The following ARHGEF4 variants were observed in gnomAD, a reference collection of about 807,000 sequenced individuals.
ARHGEF4 encodes the protein Rho guanine nucleotide exchange factor 4.
In ARHGEF4, 119 loss-of-function variants were observed where a neutral mutation model predicts 162.0. The observed-to-expected ratio is 0.73, with a 90% CI of 0.63 to 0.86. The LOEUF is 0.86. Among genes scored for constraint, ARHGEF4 ranks in the 40% least tolerant of loss-of-function variants. The pLI is 0.00. For missense variants in ARHGEF4, 2,488 were observed against 2,456.0 expected, an observed-to-expected ratio of 1.01 and a Z score of -0.28; for synonymous variants, 1,014 against 979.9, an observed-to-expected ratio of 1.03 and a Z score of -0.65.
At position 130,917,274 on chromosome 2, in the gene ARHGEF4, G is replaced by T; in HGVS notation, c.3328G>T (p.Gly1110Trp). The change falls in exon 2 of 14, where the codon GGG becomes TGG. Residue 1110 changes from glycine (G) to tryptophan (W), a missense_variant. Gly to Trp is a radical substitution (Grantham distance 184). Transcript: ENST00000409359. The part of the protein sequence containing the change: ...SAQRMGLHYP[G>W]RGSAISMVSL... ...TCAGCGGATGGGTCTCCACTACCCC[G>T]GGAGGGGTAGCGCCATCTCCATGGT... 1 of 1,550,448 alleles carries T rather than the reference G, an allele frequency of 6.4e-7. No individual in the cohort carries two copies. Among genetic ancestry groups the T allele is most frequent in the Non-Finnish European group, 8.7e-7 (1 of 1,146,940 alleles).
intron 1 of ARHGEF4, among the ~76,000 whole-genome samples, chr2:130,872,916 C>A (rs1378886685): frequency 1.3e-5 from 2 of 152,212 alleles, no homozygotes; most frequent in Non-Finnish European, 2.9e-5. Flanking sequence ...CACACACATG[C>A]CTGCACCATC....
chr2:130,910,671 A>G (rs1037818979), intron 1 of ARHGEF4, among the ~76,000 whole-genome samples: 1 of 152,218 alleles, frequency 6.6e-6, no homozygotes, highest in African/African-American at 2.4e-5. Context: ...GCACCGACCC[A>G]TTAGAGAATG....
At chr2:130,991,923 C>G (rs962516419) in intron 4 of ARHGEF4, among the ~76,000 whole-genome samples, 1 of 152,222 alleles carries the variant, frequency 6.6e-6, no homozygotes, top group East Asian at 1.9e-4. Context: ...CTGGTGGGGA[C>G]GTGGAGAATC....
chr2:131,003,038 G>A (rs980398422), intron 4 of ARHGEF4, among the ~76,000 whole-genome samples: 6 of 152,152 alleles, frequency 3.9e-5, no homozygotes, highest in Non-Finnish European at 8.8e-5. Flanking sequence ...GGGACTGTTC[G>A]GACAAGAGGG....
rs546608138 is a variant in ARHGEF4 at position 131,039,340 on chromosome 2, C to T, written c.4305+308C>T. ...TAGACATTTCCCAAGCCCTGAAGAG[C>T]ACTGATAGGGGACTGCTCACCTCAC... On this transcript the variant is annotated intron_variant, in intron 6 of 13. Transcript: ENST00000409359. 8.5e-6 allele frequency: 10 copies of T among 1,175,362 alleles called. No individual in the cohort carries two copies. The African/African-American group carries it at 1.6e-4, about 19-fold the overall frequency. The allele number at this position is 1,175,362 out of a possible 1,614,324, so 72.8% of individuals were successfully genotyped here.
chr2:130,945,184 C>T (rs1683530706), intron 3 of ARHGEF4, among the ~76,000 whole-genome samples: 1 of 151,998 alleles, frequency 6.6e-6, no homozygotes, highest in African/African-American at 2.4e-5. Context: ...CTGCTTGAGA[C>T]CCCTCCTCTT....
At chr2:130,913,304 C>T (rs1479749289) in intron 1 of ARHGEF4, among the ~76,000 whole-genome samples, 1 of 152,136 alleles carries the variant, frequency 6.6e-6, no homozygotes, top group Non-Finnish European at 1.5e-5. Context: ...GGAATGTACT[C>T]AGTTTTCAAA....
chr2:130,989,907 G>A (rs1007837917), intron 4 of ARHGEF4, among the ~76,000 whole-genome samples: 1 of 152,196 alleles, frequency 6.6e-6, no homozygotes, highest in East Asian at 1.9e-4. Flanking sequence ...ATATTGAATG[G>A]ACAGCTTCTA....
chr2:130,851,677 T>A (rs963476785), intron 1 of ARHGEF4, among the ~76,000 whole-genome samples: 6 of 152,166 alleles, frequency 3.9e-5, no homozygotes, highest in African/African-American at 1.2e-4. Flanking sequence ...ATGACATGGC[T>A]CTTGGCCACT....
chr2:131,034,454 C>T (rs1021883786), intron 5 of ARHGEF4, among the ~76,000 whole-genome samples: 1 of 152,172 alleles, frequency 6.6e-6, no homozygotes, highest in Non-Finnish European at 1.5e-5. Flanking sequence ...CAATGCTGCT[C>T]GGACGCTGCG....
chr2:131,001,302 C>CAAA (rs70994730), intron 4 of ARHGEF4, among the ~76,000 whole-genome samples: 3,162 of 31,132 alleles, frequency 0.1, 630 homozygotes, highest in Non-Finnish European at 0.13. Flanking sequence ...GACTGTGTCT[C>CAAA]AAAAAAAAAA....
chr2:130,855,879 C>G (rs57837808), intron 1 of ARHGEF4, among the ~76,000 whole-genome samples: 5,346 of 152,252 alleles, frequency 0.035, 175 homozygotes, highest in East Asian at 0.1. Flanking sequence ...ATAACAATAT[C>G]AACAACCCAC....
intron 4 of ARHGEF4, among the ~76,000 whole-genome samples, chr2:131,003,211 G>A (rs1029150325): frequency 2.0e-5 from 3 of 152,122 alleles, no homozygotes; most frequent in Non-Finnish European, 4.4e-5. Context: ...GGACCATCCC[G>A]CACGCACTCT....
chr2:130,837,529 C>T, intron 1 of ARHGEF4: 2 of 418,068 alleles, frequency 4.8e-6, no homozygotes, highest in Non-Finnish European at 9.5e-6. Context: ...TGTTGGGCTC[C>T]TGCTCGGGGT....
At chr2:130,856,733 A>G (rs139686960) in intron 1 of ARHGEF4, among the ~76,000 whole-genome samples, 291 of 152,360 alleles carry the variant, frequency 1.9e-3, no homozygotes, top group African/African-American at 6.6e-3. Context: ...CAGCACACCA[A>G]CATGGCGCAT....
intron 4 of ARHGEF4, among the ~76,000 whole-genome samples, chr2:130,990,636 A>T (rs1191783392): frequency 6.6e-6 from 1 of 151,584 alleles, no homozygotes. Context: ...AGAGTTGAGG[A>T]TCCCACAGTG....
At chr2:131,041,167 A>G (rs908747405) in intron 8 of ARHGEF4, 63 bp from the exon 9 acceptor site, 1 of 1,491,184 alleles carries the variant, frequency 6.7e-7, no homozygotes, top group Non-Finnish European at 9.2e-7. Context: ...CTTCCCACAC[A>G]TGCAGCTGGA....
chr2:130,869,412 G>A (rs1389742742), intron 1 of ARHGEF4, among the ~76,000 whole-genome samples: 1 of 152,200 alleles, frequency 6.6e-6, no homozygotes, highest in East Asian at 1.9e-4. Context: ...GCCTTCATCA[G>A]CTGGGTCACT....
chr2:130,847,856 CT>C (rs1359187597), intron 1 of ARHGEF4, among the ~76,000 whole-genome samples: 2 of 152,360 alleles, frequency 1.3e-5, no homozygotes, highest in African/African-American at 4.8e-5. Context: ...TCCACTGCCC[CT>C]GGCATGAGGG....
Sources: gnomAD v4.1 joint callset for allele counts (sites outside exome capture counted in the v4.1 genomes callset) on GRCh38, gnomAD v4.1.1 for gene constraint, MANE v1.5 for transcripts, NCBI Gene and HGNC (gene_info 2026-07-23, HGNC 2026-07-21) for gene names.